RABEP1: variants seen among roughly 807,000 people sequenced by gnomAD.
RABEP1 encodes the protein rab GTPase-binding effector protein 1.
In RABEP1, 51 loss-of-function variants were observed where a neutral mutation model predicts 123.4. The ratio of observed to expected loss-of-function variants is 0.41; its 90% confidence interval spans 0.33 to 0.52. RABEP1 has a LOEUF of 0.52. RABEP1 is among the 20% of genes least tolerant of loss of function. RABEP1 has a pLI of 0.16. For synonymous variants in RABEP1, 347 were observed against 355.2 expected, an observed-to-expected ratio of 0.98 and a Z score of 0.26; for missense variants, 888 against 996.3, an observed-to-expected ratio of 0.89 and a Z score of 1.46.
chr17:5,290,548 TTAAGA>T (rs1478931139), intron 1 of RABEP1, among the ~76,000 whole-genome samples: 3 of 152,160 alleles, frequency 2.0e-5, no homozygotes, highest in African/African-American at 7.2e-5. Flanking sequence ...ATCTTTACAA[TTAAGA>T]TAAATTAATG....
chr17:5,325,811 T>C (rs1474926102), intron 2 of RABEP1, among the ~76,000 whole-genome samples: 5 of 151,810 alleles, frequency 3.3e-5, no homozygotes, highest in Non-Finnish European at 7.4e-5. Context: ...TTATCACATG[T>C]ACTTTAACTA....
intron 2 of RABEP1, among the ~76,000 whole-genome samples, chr17:5,320,364 C>T (rs1382597225): frequency 6.9e-6 from 1 of 145,816 alleles, no homozygotes; most frequent in Non-Finnish European, 1.5e-5. Flanking sequence ...CAGACCCATC[C>T]CACAAGAAAT....
At chr17:5,308,852 A>G (rs372393941) in intron 2 of RABEP1, 30 bp downstream of exon 2, 3 of 1,558,020 alleles carry the variant, frequency 1.9e-6, no homozygotes, top group Non-Finnish European at 2.6e-6. Context: ...ACCAACTTCA[A>G]TGCGAAAACT....
At chr17:5,291,835 G>T (rs1326862062) in intron 1 of RABEP1, among the ~76,000 whole-genome samples, 1 of 152,124 alleles carries the variant, frequency 6.6e-6, no homozygotes, top group Non-Finnish European at 1.5e-5. Flanking sequence ...AACCTGGGAG[G>T]TGGAGTTTGC....
intron 13 of RABEP1, among the ~76,000 whole-genome samples, chr17:5,374,615 A>ATTTTTATTTTTTTTATTAT (rs1910830308): frequency 2.0e-5 from 3 of 148,680 alleles, no homozygotes; most frequent in Non-Finnish European, 3.0e-5. Context: ...TTGTTTCTGT[A>ATTTTTATTTTTTTTATTAT]TTTTTATTTT....
At chr17:5,370,821 G>C (rs1910466533) in intron 12 of RABEP1, among the ~76,000 whole-genome samples, 1 of 152,112 alleles carries the variant, frequency 6.6e-6, no homozygotes, top group Non-Finnish European at 1.5e-5. Flanking sequence ...AATCTACTAA[G>C]TAAAGGCCAA....
At chr17:5,299,645 A>G (rs1040758283) in intron 1 of RABEP1, among the ~76,000 whole-genome samples, 2 of 144,712 alleles carry the variant, frequency 1.4e-5, no homozygotes, top group African/African-American at 2.6e-5. Flanking sequence ...CTCTGCTGTC[A>G]TTGGGGTTTG....
intron 6 of RABEP1, among the ~76,000 whole-genome samples, chr17:5,349,059 G>T (rs1053999754): frequency 1.3e-5 from 2 of 151,900 alleles, no homozygotes; most frequent in African/African-American, 4.8e-5. Context: ...TCTACCTCCA[G>T]CCCTTGGCAA....
chr17:5,293,354 A>G (rs1046803750), intron 1 of RABEP1, among the ~76,000 whole-genome samples: 1 of 151,818 alleles, frequency 6.6e-6, no homozygotes, highest in African/African-American at 2.4e-5. Flanking sequence ...TAATATCTTC[A>G]TAGACATTGG....
intron 1 of RABEP1, among the ~76,000 whole-genome samples, chr17:5,294,709 G>A (rs1172638622): frequency 4.0e-5 from 5 of 124,470 alleles, no homozygotes; most frequent in Non-Finnish European, 7.9e-5. Flanking sequence ...GTGCAGTGGC[G>A]CGATCTCGGC....
At chr17:5,345,038 CAAG>C (rs1278471916) in intron 5 of RABEP1, among the ~76,000 whole-genome samples, 1 of 152,086 alleles carries the variant, frequency 6.6e-6, no homozygotes, top group African/African-American at 2.4e-5. Flanking sequence ...CCAGAATAGT[CAAG>C]GAGTGTGAAA....
Position 5,385,715 on chromosome 17 carries a change from G to T in RABEP1, c.*2492G>T. 1 of 230,980 alleles carries T rather than the reference G, an allele frequency of 4.3e-6. No homozygotes were observed. The highest frequency in any genetic ancestry group is 8.6e-6 in the Non-Finnish European group (1 of 116,812). The allele number at this position is 230,980 out of a possible 1,614,324, so 14.3% of individuals were successfully genotyped here. A position where few individuals can be genotyped will look rare whatever the true frequency, so the allele number is the denominator to read the frequency against. The stretch of plus-strand genomic sequence containing the variant: ...TTTGCAATTGTGGATCTTGAGCTCT[G>T]CTCTCAGCAGATTTCAGGTGTAACC... On this transcript the variant is annotated 3_prime_UTR_variant, in exon 18 of 18. Transcript: ENST00000537505.
chr17:5,313,191 A>T (rs948304298), intron 2 of RABEP1, among the ~76,000 whole-genome samples: 1 of 152,192 alleles, frequency 6.6e-6, no homozygotes, highest in Non-Finnish European at 1.5e-5. Flanking sequence ...CATGTTTTTG[A>T]ATTAATCAAG....
intron 2 of RABEP1, among the ~76,000 whole-genome samples, chr17:5,311,741 T>C (rs114068551): frequency 0.044 from 4,735 of 106,760 alleles, 76 homozygotes; most frequent in Middle Eastern, 0.091. Context: ...AATAGGAAAA[T>C]ATAAAAATCA....
Position 5,309,371 on chromosome 17 carries a change from T to C in RABEP1, c.163+549T>C, listed in dbSNP as rs190707663. Among the ~76,000 whole-genome samples the C allele has an allele frequency of 5.4e-3, 802 of 149,598 alleles. 1 individual carries two copies. The highest frequency in any genetic ancestry group is 0.019 in the African/African-American group (740 of 39,192). On this transcript the variant is annotated intron_variant, in intron 2 of 17. Coordinates refer to ENST00000537505, the MANE Select transcript of RABEP1 (RefSeq NM_004703.6). ...GTCGTTAAAACAGGAAATTGCAGGC[T>C]GGGCGCGGTGGCTCACACCTGTAAT...
chr17:5,356,988 C>T (rs1420260161), intron 8 of RABEP1, among the ~76,000 whole-genome samples: 1 of 152,022 alleles, frequency 6.6e-6, no homozygotes, highest in African/African-American at 2.4e-5. Context: ...AGCGATTCTC[C>T]TGCCTCAGCC....
intron 13 of RABEP1, among the ~76,000 whole-genome samples, chr17:5,376,896 G>A (rs190925566): frequency 5.3e-4 from 81 of 152,238 alleles, no homozygotes; most frequent in Middle Eastern, 3.4e-3. Flanking sequence ...AAGAGTATGT[G>A]GCTTACAAGA....
chr17:5,330,644 T>C (rs1356751569), intron 2 of RABEP1, among the ~76,000 whole-genome samples: 1 of 152,202 alleles, frequency 6.6e-6, no homozygotes, highest in East Asian at 1.9e-4. Context: ...GGCTCAGTTA[T>C]TGTGCTTTGG....
intron 2 of RABEP1, among the ~76,000 whole-genome samples, chr17:5,326,827 GT>G (rs1186549329): frequency 2.0e-5 from 3 of 152,192 alleles, no homozygotes; most frequent in African/African-American, 4.8e-5. Flanking sequence ...AGAAAATACA[GT>G]TATGCATTGC....
Sources: allele counts gnomAD v4.1 joint callset (sites outside exome capture counted in the v4.1 genomes callset), GRCh38; gene constraint gnomAD v4.1.1; transcripts MANE v1.5; gene names NCBI Gene and HGNC (gene_info 2026-07-23, HGNC 2026-07-21).